ZNF831: variants seen among roughly 807,000 people sequenced by gnomAD.
ZNF831 encodes zinc finger protein 831.
In ZNF831, 59 loss-of-function variants were observed where a neutral mutation model predicts 95.8. That is an observed-to-expected ratio of 0.62 (90% CI 0.50 to 0.77). The LOEUF (loss-of-function observed/expected upper bound fraction) is 0.77. Ranked by LOEUF, ZNF831 falls within the 30% of genes least tolerant of loss-of-function variation. The probability of loss-of-function intolerance (pLI) is 0.00; values close to 1 mark genes in which losing one functional copy is unlikely to be tolerated. For missense variants in ZNF831, 2,205 were observed against 2,164.0 expected, an observed-to-expected ratio of 1.02 and a Z score of -0.38; for synonymous variants, 961 against 925.5, an observed-to-expected ratio of 1.04 and a Z score of -0.70.
At chr20:59,182,050 T>C (rs1425930944) in intron 1 of ZNF831, among the ~76,000 whole-genome samples, 2 of 152,204 alleles carry the variant, frequency 1.3e-5, no homozygotes, top group Non-Finnish European at 2.9e-5. Flanking sequence ...GGAAGGAATA[T>C]ACTTCTCAAC....
At chr20:59,179,257 G>T (rs1982419080) in intron 1 of ZNF831, among the ~76,000 whole-genome samples, 1 of 152,180 alleles carries the variant, frequency 6.6e-6, no homozygotes, top group African/African-American at 2.4e-5. Flanking sequence ...GAAGTTGGGG[G>T]ATAGCCCTGG....
intron 1 of ZNF831, among the ~76,000 whole-genome samples, chr20:59,175,341 C>T (rs937087614): frequency 3.3e-5 from 5 of 152,122 alleles, no homozygotes; most frequent in Non-Finnish European, 2.9e-5. Flanking sequence ...TCTTCTTTCT[C>T]TTCTCCTTCC....
At chr20:59,201,505 T>C (rs1984531017) in intron 3 of ZNF831, among the ~76,000 whole-genome samples, 1 of 152,216 alleles carries the variant, frequency 6.6e-6, no homozygotes, top group Admixed American at 6.5e-5. Flanking sequence ...TACCTTTTTT[T>C]GTTATGTTTT....
intron 4 of ZNF831, among the ~76,000 whole-genome samples, chr20:59,241,623 T>C (rs1987342522): frequency 6.6e-6 from 1 of 152,236 alleles, no homozygotes; most frequent in Non-Finnish European, 1.5e-5. Flanking sequence ...TAAATTTCTG[T>C]ATGTGAAAGT....
At chr20:59,139,447 C>T (rs1335984152) in intron 1 of ZNF831, among the ~76,000 whole-genome samples, 1 of 152,094 alleles carries the variant, frequency 6.6e-6, no homozygotes, top group Non-Finnish European at 1.5e-5. Flanking sequence ...AACATGATTG[C>T]TTTTCTGAAA....
intron 4 of ZNF831, among the ~76,000 whole-genome samples, chr20:59,233,055 GAGAC>G (rs1298502206): frequency 1.3e-5 from 2 of 150,516 alleles, no homozygotes; most frequent in Admixed American, 6.6e-5. Context: ...TAGAGAGAGA[GAGAC>G]AGACAGAGAC....
chr20:59,127,128 C>T (rs113924174), intron 1 of ZNF831, among the ~76,000 whole-genome samples: 17 of 23,904 alleles, frequency 7.1e-4, no homozygotes, highest in African/African-American at 1.2e-3. Context: ...GCAAAACTCT[C>T]GGAGGATCCT....
At chr20:59,195,781 A>G (rs1254906811) in intron 2 of ZNF831, 88 bp from the exon 3 acceptor site, 2 of 1,524,942 alleles carry the variant, frequency 1.3e-6, no homozygotes, top group African/African-American at 1.4e-5. Context: ...GAAGACAGGC[A>G]TCTTGTCTGC....
intron 1 of ZNF831, among the ~76,000 whole-genome samples, chr20:59,140,817 G>A (rs1417208090): frequency 6.6e-6 from 1 of 152,168 alleles, no homozygotes; most frequent in African/African-American, 2.4e-5. Context: ...AGTTTGGAAA[G>A]TTCTTTATAA....
rs750933267 is a variant in ZNF831, at chr20:59,192,487, A to C, written c.1468A>C (p.Thr490Pro). 4.4e-5 allele frequency: 69 copies of C among 1,573,228 alleles called. No homozygotes were observed. Among genetic ancestry groups the C allele is most frequent in the Non-Finnish European group, 8.6e-7 (1 of 1,161,166 alleles). ...GCCCCTCTTCTTCCACTCCGTCCCCACTCAGCTCTCCACCACCGTGGAATG... is the reference window on the plus strand; with the variant it reads ...GCCCCTCTTCTTCCACTCCGTCCCCCCTCAGCTCTCCACCACCGTGGAATG... ...SRPLFFHSVP[T>P]QLSTTVECVP... The change falls in exon 2 of 6, where the codon ACT becomes CCT. Residue 490 changes from threonine to proline, a missense_variant. By Grantham distance (38) the Thr-to-Pro change is conservative. Transcript: ENST00000371030. The surrounding 1 kb of genome is among the most constrained non-coding windows in gnomAD (Gnocchi z 5.2).
Position 59,193,043 on chromosome 20 carries a change from A to G in ZNF831, c.2024A>G (p.Asp675Gly), listed in dbSNP as rs1983742575. 1 of 1,575,668 alleles carries G rather than the reference A, an allele frequency of 6.3e-7. No individual in the cohort carries two copies. The highest frequency in any genetic ancestry group is 8.6e-7 in the Non-Finnish European group (1 of 1,161,684). ...AGSSGTVPTQ[D>G]RRTPVHEDIS... ...AGCTCAGGCACAGTCCCCACCCAAG[A>G]CAGGAGGACCCCTGTCCATGAGGAC... is the stretch of plus-strand genomic sequence containing the variant. Residue 675 changes from aspartate to glycine, a missense_variant, in exon 2 of 6, where the codon GAC (aspartate) becomes GGC (glycine). Coordinates refer to ENST00000371030, the MANE Select transcript of ZNF831 (RefSeq NM_178457.3).
At chr20:59,131,778 G>A (rs959928809) in intron 1 of ZNF831, among the ~76,000 whole-genome samples, 6 of 152,204 alleles carry the variant, frequency 3.9e-5, no homozygotes, top group East Asian at 1.9e-4. Context: ...ACCGCCTTGT[G>A]AGCCCTTGTC....
Position 59,217,325 on chromosome 20 carries a change from G to T in ZNF831, c.4027+10269G>T, listed in dbSNP as rs376700986. 1.5e-3 allele frequency among the ~76,000 whole-genome samples: 225 copies of T among 152,360 alleles called. 10 individuals are homozygous for T. In the South Asian group the frequency reaches 0.044, roughly 30 times the overall value. On this transcript the variant is annotated intron_variant, in intron 4 of 5. Coordinates refer to ENST00000371030, the MANE Select transcript of ZNF831 (RefSeq NM_178457.3). The surrounding 1 kb of genome is among the most constrained non-coding windows in gnomAD (Gnocchi z 4.4). ...TCCTGAGCAGGGACAGAGTCCCTCT[G>T]GGTGGGAATACTCTTATTTATGAAG...
intron 4 of ZNF831, among the ~76,000 whole-genome samples, chr20:59,235,681 AAAAAAAG>A (rs1395515366): frequency 6.6e-6 from 1 of 152,118 alleles, no homozygotes; most frequent in Non-Finnish European, 1.5e-5. Context: ...GCTACCTATA[AAAAAAAG>A]AAAAAAGAAC....
chr20:59,131,486 T>A (rs1041102272), intron 1 of ZNF831, among the ~76,000 whole-genome samples: 1 of 152,222 alleles, frequency 6.6e-6, no homozygotes, highest in Non-Finnish European at 1.5e-5. Context: ...CCTTACTTAC[T>A]GATACATGCC....
At position 59,148,679 on chromosome 20, in the gene ZNF831, C is replaced by CAA. The variant is rs35635821; in HGVS notation, c.-1281+2349_-1281+2350dup. ...TGGGCGACAGAGCGAAACTCCGTCT[C>CAA]AAAAAAAAAAAAAAAAAAAAAAAAA... On this transcript the variant is annotated intron_variant, in intron 2 of 7. Coordinates refer to the ZNF831 transcript ENST00000637017. Among the ~76,000 whole-genome samples, 26 of 16,210 alleles carry CAA rather than the reference C, an allele frequency of 1.6e-3. 9 individuals are homozygous for CAA. The highest frequency in any genetic ancestry group is 3.1e-3 in the South Asian group (1 of 322). 10.6% of individuals were successfully genotyped at this position (16,210 alleles called of 152,430 possible).
At chr20:59,179,278 G>T (rs75881290) in intron 1 of ZNF831, among the ~76,000 whole-genome samples, 1 of 152,124 alleles carries the variant, frequency 6.6e-6, no homozygotes, top group Non-Finnish European at 1.5e-5. Flanking sequence ...TGTTACCCCC[G>T]CTTGTACCTG....
At chr20:59,211,277 T>C (rs540574242) in intron 4 of ZNF831, among the ~76,000 whole-genome samples, 135 of 152,292 alleles carry the variant, frequency 8.9e-4, no homozygotes, top group African/African-American at 3.1e-3. Context: ...ACCAGGGGCC[T>C]AGGTCCCTGG....
At chr20:59,252,855 C>A in intron 4 of ZNF831, 123 bp from the exon 5 acceptor site, 1 of 993,698 alleles carries the variant, frequency 1.0e-6, no homozygotes, top group Non-Finnish European at 1.4e-6. Context: ...CTTGCACACA[C>A]CCTGTGAGAT....
Sources: allele counts gnomAD v4.1 joint callset (sites outside exome capture counted in the v4.1 genomes callset), GRCh38; gene constraint gnomAD v4.1.1; non-coding constraint Gnocchi (gnomAD v3.1); transcripts MANE v1.5; gene names NCBI Gene and HGNC (gene_info 2026-07-23, HGNC 2026-07-21).